CRYBG3: variants seen among roughly 807,000 people sequenced by gnomAD.
CRYBG3 encodes the protein crystallin beta-gamma domain containing 3.
In CRYBG3, 127 loss-of-function variants were observed where a neutral mutation model predicts 244.2. The ratio of observed to expected loss-of-function variants is 0.52; its 90% CI spans 0.45 to 0.60. CRYBG3 has a LOEUF of 0.60. CRYBG3 is among the 20% of genes least tolerant of loss of function. CRYBG3 has a pLI of 0.00. For synonymous variants in CRYBG3, 1,132 were observed against 1,195.8 expected (o/e 0.95, Z 1.10); for missense variants, 3,325 against 3,442.5 (o/e 0.97, Z 0.85).
chr3:97,905,000 G>C (rs1325046546), intron 15 of CRYBG3, among the ~76,000 whole-genome samples: 1 of 150,236 alleles, frequency 6.7e-6, no homozygotes, highest in Non-Finnish European at 1.5e-5. Context: ...TTGGTTTTTT[G>C]TTCTTGCGAT....
At chr3:97,930,120 A>T in intron 17 of CRYBG3, among the ~76,000 whole-genome samples, 1 of 151,986 alleles carries the variant, frequency 6.6e-6, no homozygotes, top group East Asian at 1.9e-4. Flanking sequence ...CCCCTCTGGG[A>T]TATAAAACAG....
chr3:97,836,240 C>T lies in CRYBG3; in HGVS notation c.150-6955C>T, dbSNP rs547276144. Among the ~76,000 whole-genome samples the T allele has an allele frequency of 5.9e-5, 9 of 152,178 alleles. 1 individual carries two copies. The highest frequency in any genetic ancestry group is 2.2e-4 in the African/African-American group (9 of 41,514). Reference sequence around the variant, plus strand: ...TTTCCTCTCTCCTCCTGATTTTTCTCTAGAGTTTTGAAATCATTCAACTGC... The same window carrying T: ...TTTCCTCTCTCCTCCTGATTTTTCTTTAGAGTTTTGAAATCATTCAACTGC... On this transcript the variant is annotated intron_variant, in intron 1 of 21. Transcript: ENST00000389622.
intron 2 of CRYBG3, among the ~76,000 whole-genome samples, chr3:97,851,386 A>G (rs1198955922): frequency 6.6e-6 from 1 of 152,168 alleles, no homozygotes; most frequent in Non-Finnish European, 1.5e-5. Flanking sequence ...CTTCAGTAAT[A>G]ATCCTAGTCA....
intron 12 of CRYBG3, among the ~76,000 whole-genome samples, chr3:97,898,046 C>G (rs1203766049): frequency 6.6e-6 from 1 of 151,594 alleles, no homozygotes; most frequent in Non-Finnish European, 1.5e-5. Context: ...CAGTGAAACC[C>G]CATCTCTACT....
intron 17 of CRYBG3, among the ~76,000 whole-genome samples, chr3:97,928,875 C>T (rs940178239): frequency 1.3e-5 from 2 of 151,716 alleles, no homozygotes; most frequent in Non-Finnish European, 2.9e-5. Flanking sequence ...TAAGGTATTG[C>T]ACATATATAT....
At chr3:97,935,837 C>T (rs1017765121) in intron 18 of CRYBG3, among the ~76,000 whole-genome samples, 2 of 151,992 alleles carry the variant, frequency 1.3e-5, no homozygotes, top group African/African-American at 2.4e-5. Flanking sequence ...CAAGGCTTTA[C>T]CTCCCTTGGT....
chr3:97,881,542 C>G (rs1483917812), intron 7 of CRYBG3, among the ~76,000 whole-genome samples: 3 of 150,498 alleles, frequency 2.0e-5, no homozygotes, highest in Admixed American at 1.3e-4. Flanking sequence ...ATGGTGAAAC[C>G]CTGTCTCTAC....
In CRYBG3 at chr3:97,874,938, A is replaced by G; in HGVS notation, c.3744A>G (p.Pro1248=). The part of the protein sequence containing the change: ...TLKEDISEKN[P]SEVTLTEIQQ... ...AAGAAGACATCTCTGAGAAAAACCCATCAGAAGTGACACTAACAGAAATAC... is the reference window on the plus strand; with the variant it reads ...AAGAAGACATCTCTGAGAAAAACCCGTCAGAAGTGACACTAACAGAAATAC... The change falls in exon 4 of 22, where the codon CCA becomes CCG. Residue 1248 remains proline, a synonymous_variant. Coordinates refer to ENST00000389622, the MANE Select transcript of CRYBG3 (RefSeq NM_153605.4). 1.3e-6 allele frequency: 2 copies of G among 1,535,960 alleles called. No homozygotes were observed. Among genetic ancestry groups the G allele is most frequent in the Non-Finnish European group, 8.7e-7 (1 of 1,146,812 alleles).
chr3:97,877,167 A>G lies in CRYBG3; in HGVS notation c.5973A>G (p.Gln1991=), dbSNP rs1428882570. 8 of 1,614,076 alleles carry G rather than the reference A, an allele frequency of 5.0e-6. No individual in the cohort carries two copies. In the South Asian group the frequency reaches 8.8e-5, roughly 18 times the overall value. The change falls in exon 4 of 22, where the codon CAA becomes CAG. Residue 1991 remains glutamine, a synonymous_variant. Coordinates refer to ENST00000389622, the MANE Select transcript of CRYBG3 (RefSeq NM_153605.4). Reference sequence around the variant, plus strand: ...GATATAATTTAGCTTTTGTTTCTCAAGATGAACAAGAAAATTCTTCCTTTA... The same window carrying G: ...GATATAATTTAGCTTTTGTTTCTCAGGATGAACAAGAAAATTCTTCCTTTA... ...DKGYNLAFVS[Q]DEQENSSFTI... is the part of the protein sequence containing the mutation.
chr3:97,859,583 T>C (rs1274149290), intron 2 of CRYBG3, among the ~76,000 whole-genome samples: 1 of 152,236 alleles, frequency 6.6e-6, no homozygotes, highest in African/African-American at 2.4e-5. Flanking sequence ...AAAGTTTACA[T>C]TGAACCTAAC....
Position 97,912,338 on chromosome 3 carries a change from G to C in CRYBG3, c.8114+62G>C. On this transcript the variant is annotated intron_variant, in intron 16 of 21. Transcript: ENST00000389622. ...AATAACTAATACTTTTAAATTTACA[G>C]AGATATATTTTTTGCATGCACAGTG... 3 of 855,730 alleles carry C rather than the reference G, an allele frequency of 3.5e-6. No homozygotes were observed. The South Asian group carries it at 5.9e-5, about 17-fold the overall frequency. 53.0% of individuals were successfully genotyped at this position (855,730 alleles called of 1,614,324 possible). A position where few individuals can be genotyped will look rare whatever the true frequency, so the allele number is the denominator to read the frequency against.
At chr3:97,846,105 G>T (rs558072075) in intron 2 of CRYBG3, among the ~76,000 whole-genome samples, 1 of 152,266 alleles carries the variant, frequency 6.6e-6, no homozygotes, top group African/African-American at 2.4e-5. Flanking sequence ...ATGTTCACCA[G>T]TGACCTTTTG....
intron 21 of CRYBG3, chr3:97,942,781 G>A: frequency 4.4e-6 from 1 of 224,762 alleles, no homozygotes; most frequent in Non-Finnish European, 8.5e-6. Flanking sequence ...AATTGCCATG[G>A]TCCTTAAAAA....
chr3:97,913,812 T>G (rs2039899121), intron 16 of CRYBG3, among the ~76,000 whole-genome samples: 1 of 152,208 alleles, frequency 6.6e-6, no homozygotes, highest in Non-Finnish European at 1.5e-5. Context: ...GAAGCTGTTT[T>G]CCACCTTCTC....
At chr3:97,896,686 C>T (rs554705206) in intron 12 of CRYBG3, among the ~76,000 whole-genome samples, 1 of 152,148 alleles carries the variant, frequency 6.6e-6, no homozygotes, top group Non-Finnish European at 1.5e-5. Context: ...CCTTAGGGGG[C>T]CTTTGGCAGT....
At chr3:97,910,178 G>A (rs1203306410) in intron 15 of CRYBG3, among the ~76,000 whole-genome samples, 3 of 151,362 alleles carry the variant, frequency 2.0e-5, no homozygotes, top group African/African-American at 7.3e-5. Flanking sequence ...ATTTAAGTCT[G>A]CAGAGGTTAC....
chr3:97,932,965 A>C, intron 17 of CRYBG3: 1 of 305,780 alleles, frequency 3.3e-6, no homozygotes, highest in South Asian at 2.8e-5. Context: ...CTGACACAGC[A>C]TATCTTTTTC....
At position 97,890,737 on chromosome 3, in the gene CRYBG3, G is replaced by A. The variant is rs188311969; in HGVS notation, c.7440+1347G>A. Among the ~76,000 whole-genome samples, 53 of 152,092 alleles carry A rather than the reference G, an allele frequency of 3.5e-4. 1 individual carries two copies. The highest frequency in any genetic ancestry group is 1.2e-3 in the African/African-American group (50 of 41,480). ...TTTGATTTAGTGTTTTTAAGCATGGGGTTTATTTGGCAAGATATTGAGTTG... is the reference window on the plus strand; with the variant it reads ...TTTGATTTAGTGTTTTTAAGCATGGAGTTTATTTGGCAAGATATTGAGTTG... On this transcript the variant is annotated intron_variant, in intron 10 of 21. Transcript: ENST00000389622.
At chr3:97,840,626 G>A (rs2038798116) in intron 1 of CRYBG3, 1 of 152,008 alleles carries the variant, frequency 6.6e-6, no homozygotes, top group African/African-American at 2.4e-5. Flanking sequence ...GTATTTTCTG[G>A]AGAGCTTTTA....
Sources: gnomAD v4.1 joint callset for allele counts (sites outside exome capture counted in the v4.1 genomes callset) on GRCh38, gnomAD v4.1.1 for gene constraint, MANE v1.5 for transcripts, NCBI Gene and HGNC (gene_info 2026-07-23, HGNC 2026-07-21) for gene names.